Variants in LRRTM4 observed in about 807,000 individuals in gnomAD.
LRRTM4 encodes the protein leucine-rich repeat transmembrane neuronal protein 4.
Under a neutral mutation model 47.6 loss-of-function variants are expected in LRRTM4, and 25 were observed. The observed-to-expected ratio is 0.53, with a 90% CI of 0.38 to 0.73. LRRTM4 has a LOEUF of 0.73. Among genes scored for constraint, LRRTM4 ranks in the 30% least tolerant of loss-of-function variants. The probability of loss-of-function intolerance (pLI) is 0.00; values close to 1 mark genes in which losing one functional copy is unlikely to be tolerated. For missense variants in LRRTM4, 638 were observed against 713.4 expected (o/e 0.89, Z 1.20); for synonymous variants, 311 against 269.5 (o/e 1.15, Z -1.51).
intron 3 of LRRTM4, among the ~76,000 whole-genome samples, chr2:76,856,539 G>T (rs1463529903): frequency 1.3e-5 from 2 of 151,952 alleles, no homozygotes; most frequent in Non-Finnish European, 2.9e-5. Flanking sequence ...CTCAATTAAA[G>T]AATTTAATCC....
chr2:77,016,916 T>A (rs1050312493), intron 3 of LRRTM4, among the ~76,000 whole-genome samples: 1 of 151,852 alleles, frequency 6.6e-6, no homozygotes, highest in African/African-American at 2.4e-5. Flanking sequence ...AGCAGAGAAA[T>A]GTGTAGCAGC....
chr2:77,133,378 T>C (rs1671852619), intron 3 of LRRTM4, among the ~76,000 whole-genome samples: 1 of 152,216 alleles, frequency 6.6e-6, no homozygotes, highest in Non-Finnish European at 1.5e-5. Context: ...TTGCTGTCTA[T>C]GCCTAAATCT....
intron 3 of LRRTM4, among the ~76,000 whole-genome samples, chr2:76,814,425 A>G (rs1670837978): frequency 6.6e-6 from 1 of 152,118 alleles, no homozygotes. Context: ...ATGAGTATCT[A>G]TTTTGTAACA....
chr2:77,046,528 T>C (rs898091910), intron 3 of LRRTM4, among the ~76,000 whole-genome samples: 8 of 152,000 alleles, frequency 5.3e-5, no homozygotes, highest in African/African-American at 1.9e-4. Flanking sequence ...ATGATGTCCC[T>C]GGAGGAGCCT....
intron 3 of LRRTM4, among the ~76,000 whole-genome samples, chr2:77,070,837 G>A (rs762307168): frequency 5.3e-5 from 8 of 152,108 alleles, no homozygotes; most frequent in Non-Finnish European, 1.2e-4. Flanking sequence ...CACCATGTTG[G>A]CCAGGCTGGT....
At chr2:77,430,287 AAAAATGGTCTT>A (rs1675312942) in intron 3 of LRRTM4, among the ~76,000 whole-genome samples, 2 of 152,214 alleles carry the variant, frequency 1.3e-5, no homozygotes, top group South Asian at 4.1e-4. Context: ...CTGTCAATTA[AAAAATGGTCTT>A]ATATCCCATA....
intron 3 of LRRTM4, among the ~76,000 whole-genome samples, chr2:77,275,263 G>T (rs1167758724): frequency 1.3e-5 from 2 of 152,100 alleles, no homozygotes; most frequent in Admixed American, 1.3e-4. Context: ...TACTTTGTAA[G>T]TTTTTAAGCT....
At chr2:77,107,576 C>T (rs937805279) in intron 3 of LRRTM4, among the ~76,000 whole-genome samples, 13 of 152,026 alleles carry the variant, frequency 8.6e-5, no homozygotes, top group East Asian at 3.9e-4. Flanking sequence ...CCCAGCACTT[C>T]GGGAGGCCGA....
At chr2:77,027,115 C>T (rs1458548266) in intron 3 of LRRTM4, among the ~76,000 whole-genome samples, 3 of 152,094 alleles carry the variant, frequency 2.0e-5, no homozygotes, top group Non-Finnish European at 4.4e-5. Context: ...CCCCTCTTTC[C>T]TTGCCTTCTC....
chr2:77,047,158 T>A (rs1487926127), intron 3 of LRRTM4, among the ~76,000 whole-genome samples: 7 of 152,088 alleles, frequency 4.6e-5, no homozygotes, highest in Non-Finnish European at 8.8e-5. Context: ...TTGTTTTTGC[T>A]TTGGTTTCAA....
intron 3 of LRRTM4, among the ~76,000 whole-genome samples, chr2:77,102,965 C>A (rs908947690): frequency 6.6e-6 from 1 of 152,136 alleles, no homozygotes; most frequent in Non-Finnish European, 1.5e-5. Flanking sequence ...GAAAGCCTAC[C>A]ATATATACTC....
intron 3 of LRRTM4, among the ~76,000 whole-genome samples, chr2:76,910,131 T>A (rs1227741122): frequency 6.6e-6 from 1 of 151,944 alleles, no homozygotes; most frequent in Non-Finnish European, 1.5e-5. Context: ...ATTAAGAAAA[T>A]GTGGCACATA....
At chr2:76,893,478 T>C (rs541611838) in intron 3 of LRRTM4, among the ~76,000 whole-genome samples, 1 of 151,904 alleles carries the variant, frequency 6.6e-6, no homozygotes, top group Non-Finnish European at 1.5e-5. Flanking sequence ...CAAATGGCTC[T>C]AAATACAGAT....
chr2:76,895,355 G>T (rs1428495497), intron 3 of LRRTM4, among the ~76,000 whole-genome samples: 2 of 151,952 alleles, frequency 1.3e-5, no homozygotes, highest in African/African-American at 4.8e-5. Context: ...CGAAAATTTA[G>T]TAATTATAAA....
At chr2:77,457,358 A>T (rs1676602835) in intron 3 of LRRTM4, among the ~76,000 whole-genome samples, 1 of 151,886 alleles carries the variant, frequency 6.6e-6, no homozygotes, top group Non-Finnish European at 1.5e-5. Flanking sequence ...ATCTCCAAAT[A>T]GGTGTATCTA....
intron 3 of LRRTM4, chr2:77,517,249 C>A: frequency 5.1e-6 from 5 of 984,340 alleles, no homozygotes; most frequent in Non-Finnish European, 6.0e-6. Context: ...AAACCGGGTC[C>A]AAATTTATTC....
intron 3 of LRRTM4, among the ~76,000 whole-genome samples, chr2:77,135,263 C>T (rs2103985003): frequency 6.6e-6 from 1 of 152,304 alleles, no homozygotes; most frequent in South Asian, 2.1e-4. Context: ...CTGCATGCGG[C>T]AGACTCACGT....
chr2:77,424,563 A>G (rs1274601384), intron 3 of LRRTM4, among the ~76,000 whole-genome samples: 1 of 152,198 alleles, frequency 6.6e-6, no homozygotes, highest in Admixed American at 6.5e-5. Context: ...TTCCAATGGA[A>G]TGCATATTTT....
chr2:77,180,926 A>G (rs1374645726), intron 3 of LRRTM4, among the ~76,000 whole-genome samples: 1 of 152,184 alleles, frequency 6.6e-6, no homozygotes, highest in Non-Finnish European at 1.5e-5. Context: ...GTACACTTAC[A>G]TATATTATAT....
Sources: allele counts gnomAD v4.1 joint callset (sites outside exome capture counted in the v4.1 genomes callset), GRCh38; gene constraint gnomAD v4.1.1; transcripts MANE v1.5; gene names NCBI Gene and HGNC (gene_info 2026-07-23, HGNC 2026-07-21).